CMSS1: variants seen among roughly 807,000 people sequenced by gnomAD.
The protein encoded by CMSS1 is protein CMSS1.
CMSS1 carries 33 observed loss-of-function variants against 43.5 expected under a neutral mutation model. The observed-to-expected ratio is 0.76, with a 90% CI of 0.57 to 1.01. The LOEUF is 1.01. Ranked by LOEUF, CMSS1 falls within the 50% of genes least tolerant of loss-of-function variation. The pLI, the probability that CMSS1 is intolerant of heterozygous loss-of-function variation, is 0.00. For synonymous variants in CMSS1, 115 were observed against 117.2 expected (o/e 0.98, Z 0.12); for missense variants, 313 against 326.4 (o/e 0.96, Z 0.32).
intron 7 of CMSS1, 26 bp from the exon 8 acceptor site, chr3:100,172,290 C>G (rs375909675): frequency 1.9e-6 from 3 of 1,603,250 alleles, no homozygotes; most frequent in Admixed American, 3.4e-5. Context: ...ACTTCCTTTT[C>G]TTTCTTCTCT....
At chr3:100,004,864 G>A (rs993494239) in intron 1 of CMSS1, among the ~76,000 whole-genome samples, 1 of 152,200 alleles carries the variant, frequency 6.6e-6, no homozygotes, top group African/African-American at 2.4e-5. Context: ...GCCACTGAGA[G>A]ATTAGAGGCA....
At chr3:100,141,634 G>T (rs2066806085) in intron 1 of CMSS1, 2 of 449,836 alleles carry the variant, frequency 4.4e-6, no homozygotes, top group Admixed American at 4.9e-5. Flanking sequence ...GAAGATGAAG[G>T]TAGGGATTGA....
chr3:100,043,507 T>C (rs1432675150), intron 1 of CMSS1, among the ~76,000 whole-genome samples: 2 of 152,186 alleles, frequency 1.3e-5, no homozygotes, highest in Non-Finnish European at 2.9e-5. Context: ...TTATTATGTC[T>C]CATTTGCTGT....
intron 1 of CMSS1, among the ~76,000 whole-genome samples, chr3:100,096,298 G>T (rs1260578155): frequency 6.6e-6 from 1 of 151,380 alleles, no homozygotes; most frequent in Non-Finnish European, 1.5e-5. Flanking sequence ...ATAGCAAAGA[G>T]AGATCTACAC....
intron 1 of CMSS1, among the ~76,000 whole-genome samples, chr3:100,142,804 A>G (rs919546817): frequency 6.6e-6 from 1 of 152,196 alleles, no homozygotes; most frequent in Non-Finnish European, 1.5e-5. Flanking sequence ...TAGAGAATAT[A>G]TGTTACTTTA....
At chr3:99,891,630 C>A (rs1429568801) in intron 1 of CMSS1, among the ~76,000 whole-genome samples, 2 of 152,068 alleles carry the variant, frequency 1.3e-5, no homozygotes, top group Non-Finnish European at 2.9e-5. Flanking sequence ...TAATCCATTT[C>A]ACCATCAGCA....
chr3:100,014,173 T>A (rs1710249033), intron 1 of CMSS1, among the ~76,000 whole-genome samples: 1 of 151,030 alleles, frequency 6.6e-6, no homozygotes, highest in Non-Finnish European at 1.5e-5. Flanking sequence ...AAACCCTGAA[T>A]AGTAGTATTA....
chr3:99,833,061 T>C (rs1942749323), intron 1 of CMSS1: 1 of 640,314 alleles, frequency 1.6e-6, no homozygotes, highest in Non-Finnish European at 2.8e-6. Context: ...ACAGTGAATG[T>C]TCTACTCAGA....
At chr3:100,115,712 G>C (rs1462398574) in intron 1 of CMSS1, among the ~76,000 whole-genome samples, 1 of 150,048 alleles carries the variant, frequency 6.7e-6, no homozygotes, top group African/African-American at 2.5e-5. Flanking sequence ...ATATACTTTA[G>C]TGTGATTATC....
At chr3:99,978,276 C>T (rs1709025921) in intron 1 of CMSS1, among the ~76,000 whole-genome samples, 2 of 152,200 alleles carry the variant, frequency 1.3e-5, no homozygotes, top group Admixed American at 1.3e-4. Context: ...AGCAATCCCA[C>T]TACTGGATAT....
intron 1 of CMSS1, among the ~76,000 whole-genome samples, chr3:99,869,992 A>C (rs889531215): frequency 1.3e-5 from 2 of 152,006 alleles, no homozygotes; most frequent in African/African-American, 4.8e-5. Flanking sequence ...CTCCATTTAC[A>C]TGTGGACTCT....
chr3:100,131,777 C>T lies in CMSS1; in HGVS notation c.65-15196C>T, dbSNP rs112760912. Among the ~76,000 whole-genome samples the T allele has an allele frequency of 9.5e-4, 145 of 152,266 alleles. 1 individual carries two copies. The highest frequency in any genetic ancestry group is 3.3e-3 in the African/African-American group (136 of 41,546). On this transcript the variant is annotated intron_variant, in intron 1 of 9. Coordinates refer to ENST00000421999, the MANE Select transcript of CMSS1 (RefSeq NM_032359.4). ...GCAGATCAATGGAATTATACCATAGCATATGTATAATTTGTGTTTTGATTA... is the reference window on the plus strand; with the variant it reads ...GCAGATCAATGGAATTATACCATAGTATATGTATAATTTGTGTTTTGATTA...
rs9830038 is a variant in CMSS1 at position 99,916,743 on chromosome 3, T to G, written c.64+98700T>G. On this transcript the variant is annotated intron_variant, in intron 1 of 9. Coordinates refer to ENST00000421999, the MANE Select transcript of CMSS1 (RefSeq NM_032359.4). ...CTTCATGGTCCATGCTCCACGTTTG[T>G]TGTTCTAACTCGAGTCTATGCTTTT... Among the ~76,000 whole-genome samples the G allele has an allele frequency of 6.1e-3, 930 of 152,290 alleles. 10 individuals are homozygous for G. Among genetic ancestry groups the G allele is most frequent in the African/African-American group, 0.021 (879 of 41,548 alleles).
At chr3:100,151,852 C>T (rs927528208) in intron 2 of CMSS1, among the ~76,000 whole-genome samples, 1 of 152,176 alleles carries the variant, frequency 6.6e-6, no homozygotes, top group Admixed American at 6.5e-5. Flanking sequence ...TATCCAAAAT[C>T]TTGTCATCTA....
chr3:100,040,583 A>G (rs1187333964), intron 1 of CMSS1: 3 of 152,324 alleles, frequency 2.0e-5, no homozygotes, highest in East Asian at 1.9e-4. Context: ...TAGATGATTA[A>G]TAGACTGAAC....
chr3:100,035,704 T>C (rs2065096796), intron 1 of CMSS1, among the ~76,000 whole-genome samples: 1 of 152,248 alleles, frequency 6.6e-6, no homozygotes, highest in Non-Finnish European at 1.5e-5. Flanking sequence ...GGGTATTTCT[T>C]GATTACCTTT....
chr3:99,825,278 A>T (rs1431937162), intron 1 of CMSS1, among the ~76,000 whole-genome samples: 2 of 152,246 alleles, frequency 1.3e-5, no homozygotes, highest in African/African-American at 4.8e-5. Flanking sequence ...GGGAAAAAAC[A>T]TAATCAGCTT....
chr3:99,852,458 A>G (rs1302434858), intron 1 of CMSS1, among the ~76,000 whole-genome samples: 3 of 151,808 alleles, frequency 2.0e-5, no homozygotes, highest in Non-Finnish European at 2.9e-5. Flanking sequence ...ATTTTATTTT[A>G]TTTTTTGAAA....
intron 1 of CMSS1, among the ~76,000 whole-genome samples, chr3:99,975,256 C>G (rs1196830891): frequency 6.6e-6 from 1 of 152,178 alleles, no homozygotes; most frequent in African/African-American, 2.4e-5. Flanking sequence ...CAAATACATA[C>G]TAAACTCCTT....
Sources: gnomAD v4.1 joint callset for allele counts (sites outside exome capture counted in the v4.1 genomes callset) on GRCh38, gnomAD v4.1.1 for gene constraint, MANE v1.5 for transcripts, NCBI Gene and HGNC (gene_info 2026-07-23, HGNC 2026-07-21) for gene names.